Variants in UNC79 observed in about 807,000 individuals in gnomAD.
UNC79 encodes the protein protein unc-79 homolog.
Under a neutral mutation model 283.1 loss-of-function variants are expected in UNC79, and 37 were observed. That is an observed-to-expected ratio of 0.13 (90% CI 0.10 to 0.17). The LOEUF (loss-of-function observed/expected upper bound fraction) is 0.17, where lower values mean the gene tolerates loss of function less well. UNC79 is among the 10% of genes least tolerant of loss of function. UNC79 has a pLI of 1.00. For missense variants in UNC79, 2,272 were observed against 3,211.1 expected, an observed-to-expected ratio of 0.71 and a Z score of 7.07; for synonymous variants, 1,107 against 1,200.2, an observed-to-expected ratio of 0.92 and a Z score of 1.61.
intron 1 of UNC79, among the ~76,000 whole-genome samples, chr14:93,379,156 T>G (rs1430758661): frequency 6.6e-6 from 1 of 152,156 alleles, no homozygotes; most frequent in African/African-American, 2.4e-5. Context: ...CACCTGTACT[T>G]GGGCTTCTGT....
At position 93,479,737 on chromosome 14, in the gene UNC79, C is replaced by T. The variant is rs1241697387; in HGVS notation, c.619+2009C>T. ...GCAGCCTCAAACTCCTCGGCTTAAG[C>T]GATCCTTTTGCCTTAGGCTCCCAAG... On this transcript the variant is annotated intron_variant, in intron 4 of 48. Coordinates refer to ENST00000555664, the Ensembl canonical transcript of UNC79. Among the ~76,000 whole-genome samples, 3 of 152,152 alleles carry T rather than the reference C, an allele frequency of 2.0e-5. No individual in the cohort carries two copies. The East Asian group carries it at 5.8e-4, about 29-fold the overall frequency.
intron 35 of UNC79, among the ~76,000 whole-genome samples, chr14:93,646,886 C>A (rs531375490): frequency 6.6e-6 from 1 of 152,244 alleles, no homozygotes; most frequent in Admixed American, 6.5e-5. Flanking sequence ...TTGTGCACCA[C>A]GGAGGGAATA....
chr14:93,689,890 T>C, intron 44 of UNC79: 1 of 551,206 alleles, frequency 1.8e-6, no homozygotes, highest in Non-Finnish European at 3.2e-6. Context: ...TGTAATCCTG[T>C]GTCACCAAAG....
chr14:93,642,144 G>A (rs1205527450), intron 33 of UNC79, among the ~76,000 whole-genome samples: 1 of 152,104 alleles, frequency 6.6e-6, no homozygotes, highest in Non-Finnish European at 1.5e-5. Flanking sequence ...TGAGGAAGGG[G>A]CCAGGCGCGG....
intron 1 of UNC79, among the ~76,000 whole-genome samples, chr14:93,365,317 G>A (rs539754877): frequency 9.9e-5 from 15 of 151,134 alleles, no homozygotes; most frequent in Non-Finnish European, 1.9e-4. Flanking sequence ...CCTGGGAGGC[G>A]GAGGTTGGCG....
intron 1 of UNC79, among the ~76,000 whole-genome samples, chr14:93,346,725 T>G (rs1183935309): frequency 6.6e-6 from 1 of 152,010 alleles, no homozygotes; most frequent in Non-Finnish European, 1.5e-5. Context: ...GTATATAAAG[T>G]ATAGGTAGAG....
chr14:93,412,102 AAAG>A (rs1247776811), intron 1 of UNC79, among the ~76,000 whole-genome samples: 4 of 152,252 alleles, frequency 2.6e-5, no homozygotes, highest in East Asian at 1.9e-4. Context: ...ATTGAAATAA[AAAG>A]AAGCAGAAAT....
intron 1 of UNC79, among the ~76,000 whole-genome samples, chr14:93,444,028 T>C (rs2056391937): frequency 6.6e-6 from 1 of 152,240 alleles, no homozygotes; most frequent in Non-Finnish European, 1.5e-5. Context: ...CTATACTATT[T>C]TGCAAAGTGG....
chr14:93,519,011 G>A (rs2060199770), intron 7 of UNC79, among the ~76,000 whole-genome samples: 1 of 151,892 alleles, frequency 6.6e-6, no homozygotes, highest in Non-Finnish European at 1.5e-5. Context: ...CAGTGGTTGA[G>A]TGGAGATTTC....
chr14:93,571,850 G>A (rs2063223917), intron 14 of UNC79, 44 bp from the exon 15 acceptor site: 1 of 1,607,216 alleles, frequency 6.2e-7, no homozygotes, highest in African/African-American at 1.3e-5. Flanking sequence ...ATTGTAACCA[G>A]TGTGTTTCAT....
At chr14:93,694,473 ATGTTGAAG>A in intron 47 of UNC79, 61 bp downstream of exon 50, 1 of 1,449,812 alleles carries the variant, frequency 6.9e-7, no homozygotes, top group Non-Finnish European at 9.7e-7. Flanking sequence ...ATGTGGATTT[ATGTTGAAG>A]GTACTTTCTG....
chr14:93,651,912 ATTTTT>A (rs71129653), intron 35 of UNC79, among the ~76,000 whole-genome samples: 6 of 46,600 alleles, frequency 1.3e-4, no homozygotes, highest in African/African-American at 3.8e-4. Context: ...CTAATTTTGT[ATTTTT>A]TTTTTTTTTT....
chr14:93,557,192 AC>A (rs2062223073), intron 14 of UNC79, among the ~76,000 whole-genome samples: 2 of 152,216 alleles, frequency 1.3e-5, no homozygotes, highest in African/African-American at 4.8e-5. Context: ...TTTAAAGAAA[AC>A]TATCCTTGAT....
rs2060439300 is a variant in UNC79 at position 93,524,052 on chromosome 14, T to C, written c.963+10T>C. The C allele has an allele frequency of 6.2e-7, 1 of 1,614,058 alleles. No individual in the cohort carries two copies. Among genetic ancestry groups the C allele is most frequent in the Non-Finnish European group, 8.5e-7 (1 of 1,179,884 alleles). On this transcript the variant is annotated intron_variant, in intron 8 of 48. Transcript: ENST00000555664. ...CAAACCAGCTGTGAAGGTACTGTTT[T>C]ATTAGACCTGGTGCCATACTGTATT...
intron 7 of UNC79, among the ~76,000 whole-genome samples, chr14:93,509,528 C>T (rs2059714841): frequency 6.6e-6 from 1 of 152,106 alleles, no homozygotes. Flanking sequence ...GGTAAGTACT[C>T]CCTTTTCAAA....
At chr14:93,400,241 T>C (rs2055080514) in intron 1 of UNC79, among the ~76,000 whole-genome samples, 1 of 152,160 alleles carries the variant, frequency 6.6e-6, no homozygotes, top group Non-Finnish European at 1.5e-5. Context: ...TGCATGGTAT[T>C]TGAGAGGTTT....
chr14:93,660,557 A>G lies in UNC79; in HGVS notation c.6525+1296A>G, dbSNP rs868371409. Among the ~76,000 whole-genome samples, 214 of 87,750 alleles carry G rather than the reference A, an allele frequency of 2.4e-3. 8 individuals are homozygous for G. The highest frequency in any genetic ancestry group is 2.8e-3 in the Non-Finnish European group (122 of 44,098). 57.6% of individuals were successfully genotyped at this position (87,750 alleles called of 152,430 possible). On this transcript the variant is annotated intron_variant, in intron 39 of 48. Coordinates refer to ENST00000555664, the Ensembl canonical transcript of UNC79. ...TATATATATATATATATATATATATATATATATGTGTGTGTGTGTGTGTTC... is the reference window on the plus strand; with the variant it reads ...TATATATATATATATATATATATATGTATATATGTGTGTGTGTGTGTGTTC...
chr14:93,368,970 G>A (rs2054390653), intron 1 of UNC79, among the ~76,000 whole-genome samples: 1 of 152,188 alleles, frequency 6.6e-6, no homozygotes, highest in African/African-American at 2.4e-5. Flanking sequence ...CTTGGATGAG[G>A]TCACTGGAGA....
chr14:93,648,016 C>CA (rs1428375488), intron 35 of UNC79, among the ~76,000 whole-genome samples: 1 of 152,198 alleles, frequency 6.6e-6, no homozygotes, highest in Non-Finnish European at 1.5e-5. Flanking sequence ...AGTTATCTCC[C>CA]ACTGGGCCCC....
Sources: gnomAD v4.1 joint callset for allele counts (sites outside exome capture counted in the v4.1 genomes callset) on GRCh38, gnomAD v4.1.1 for gene constraint, MANE v1.5 for transcripts, NCBI Gene and HGNC (gene_info 2026-07-23, HGNC 2026-07-21) for gene names.